CADM2: variants seen among roughly 807,000 people sequenced by gnomAD.
The protein encoded by CADM2 is immunoglobulin superfamily member 4D.
Under a neutral mutation model 49.8 loss-of-function variants are expected in CADM2, and 12 were observed. That is an observed-to-expected ratio of 0.24 (90% CI 0.15 to 0.39). CADM2 has a LOEUF of 0.39. Among genes scored for constraint, CADM2 ranks in the 10% least tolerant of loss-of-function variants. CADM2 has a pLI of 1.00. For synonymous variants in CADM2, 214 were observed against 175.4 expected, an observed-to-expected ratio of 1.22 and a Z score of -1.74; for missense variants, 378 against 492.3, an observed-to-expected ratio of 0.77 and a Z score of 2.20.
At chr3:85,355,558 C>A (rs566751052) in intron 1 of CADM2, among the ~76,000 whole-genome samples, 1 of 152,046 alleles carries the variant, frequency 6.6e-6, no homozygotes, top group Non-Finnish European at 1.5e-5. Context: ...AACAAGAATT[C>A]ATGGGTTCTT....
At chr3:85,782,257 A>C (rs918809041) in intron 2 of CADM2, among the ~76,000 whole-genome samples, 9 of 152,356 alleles carry the variant, frequency 5.9e-5, no homozygotes, top group African/African-American at 1.7e-4. Flanking sequence ...ATAAATGGAA[A>C]TTAACAAACA....
intron 1 of CADM2, among the ~76,000 whole-genome samples, chr3:85,296,266 A>G (rs990063084): frequency 2.0e-5 from 3 of 152,082 alleles, no homozygotes; most frequent in African/African-American, 4.8e-5. Context: ...CTAAGACCTC[A>G]GTAGTAATGT....
At chr3:85,427,119 G>T (rs1267824679) in intron 1 of CADM2, among the ~76,000 whole-genome samples, 1 of 142,318 alleles carries the variant, frequency 7.0e-6, no homozygotes, top group African/African-American at 2.8e-5. Flanking sequence ...TTAACACCAA[G>T]AAATATTTGA....
At chr3:85,624,125 AACC>A (rs1331564715) in intron 1 of CADM2, among the ~76,000 whole-genome samples, 1 of 152,200 alleles carries the variant, frequency 6.6e-6, no homozygotes, top group Non-Finnish European at 1.5e-5. Flanking sequence ...TAATTCATAT[AACC>A]ATATAGAGAA....
intron 1 of CADM2, among the ~76,000 whole-genome samples, chr3:84,977,190 T>C (rs55980308): frequency 0.047 from 7,093 of 152,044 alleles, 214 homozygotes; most frequent in Admixed American, 0.089. Flanking sequence ...CAATGAAGAA[T>C]TGATACAGAT....
intron 1 of CADM2, among the ~76,000 whole-genome samples, chr3:85,418,716 AAAAT>A (rs1225322157): frequency 6.6e-6 from 1 of 152,178 alleles, no homozygotes; most frequent in Non-Finnish European, 1.5e-5. Context: ...ATAGAGTAAC[AAAAT>A]AAATAAACTC....
At chr3:85,086,946 T>C (rs1473137983) in intron 1 of CADM2, among the ~76,000 whole-genome samples, 1 of 152,200 alleles carries the variant, frequency 6.6e-6, no homozygotes, top group Non-Finnish European at 1.5e-5. Flanking sequence ...TAAATGTTTG[T>C]ACAGTTTTCT....
chr3:85,761,220 G>A (rs746378695), intron 2 of CADM2, among the ~76,000 whole-genome samples: 5 of 151,816 alleles, frequency 3.3e-5, no homozygotes, highest in East Asian at 1.9e-4. Flanking sequence ...ATGGAAACCC[G>A]TTTTCTAGAC....
intron 1 of CADM2, among the ~76,000 whole-genome samples, chr3:85,159,735 C>T (rs945971323): frequency 1.3e-5 from 2 of 152,074 alleles, no homozygotes; most frequent in African/African-American, 4.8e-5. Flanking sequence ...CTCCCTGGTT[C>T]CATGACGAAT....
chr3:85,020,194 A>G (rs944014903), intron 1 of CADM2, among the ~76,000 whole-genome samples: 6 of 152,132 alleles, frequency 3.9e-5, no homozygotes, highest in African/African-American at 1.4e-4. Flanking sequence ...GTTGAATCCT[A>G]CTTATGTTGC....
At chr3:85,306,466 A>G (rs925651721) in intron 1 of CADM2, among the ~76,000 whole-genome samples, 13 of 151,724 alleles carry the variant, frequency 8.6e-5, no homozygotes, top group African/African-American at 2.9e-4. Flanking sequence ...CAAAATTTGC[A>G]TATTAAAATG....
intron 9 of CADM2, among the ~76,000 whole-genome samples, chr3:86,066,243 G>C (rs994711135): frequency 8.9e-5 from 13 of 146,248 alleles, no homozygotes; most frequent in African/African-American, 3.3e-4. Flanking sequence ...TGAGGCAGGA[G>C]AATTGCTTGA....
intron 7 of CADM2, among the ~76,000 whole-genome samples, chr3:85,948,470 A>G (rs1723007476): frequency 1.3e-5 from 2 of 151,466 alleles, no homozygotes. Flanking sequence ...AAATATACAA[A>G]GGAAATAAAA....
intron 3 of CADM2, among the ~76,000 whole-genome samples, chr3:85,832,133 T>A (rs907477575): frequency 2.6e-5 from 4 of 151,986 alleles, no homozygotes; most frequent in Admixed American, 2.0e-4. Context: ...AAACATCAGA[T>A]GATTGAAGGT....
chr3:85,258,452 T>G (rs1007739946), intron 1 of CADM2, among the ~76,000 whole-genome samples: 10 of 151,546 alleles, frequency 6.6e-5, no homozygotes, highest in African/African-American at 2.4e-4. Context: ...CCTTTTCCAG[T>G]GTGCTCTTCT....
chr3:85,191,884 T>A (rs184565489), intron 1 of CADM2, among the ~76,000 whole-genome samples: 1 of 151,872 alleles, frequency 6.6e-6, no homozygotes, highest in Non-Finnish European at 1.5e-5. Context: ...CTTCCACATG[T>A]AGGGTCAGCA....
intron 2 of CADM2, among the ~76,000 whole-genome samples, chr3:85,765,950 A>G (rs1000262660): frequency 3.9e-5 from 6 of 152,118 alleles, no homozygotes; most frequent in African/African-American, 1.2e-4. Flanking sequence ...TGAATGTTGA[A>G]TAAATGCCCC....
intron 1 of CADM2, among the ~76,000 whole-genome samples, chr3:84,988,476 C>T (rs2032709717): frequency 6.6e-6 from 1 of 152,174 alleles, no homozygotes; most frequent in Non-Finnish European, 1.5e-5. Flanking sequence ...TGAAACCTAG[C>T]AGATAGCAAA....
intron 2 of CADM2, among the ~76,000 whole-genome samples, chr3:85,793,711 G>T (rs761538197): frequency 9.2e-5 from 14 of 152,152 alleles, no homozygotes; most frequent in Non-Finnish European, 1.9e-4. Flanking sequence ...GATTTCAAAT[G>T]TTCATTCTCT....
Sources: allele counts gnomAD v4.1 joint callset (sites outside exome capture counted in the v4.1 genomes callset), GRCh38; gene constraint gnomAD v4.1.1; transcripts MANE v1.5; gene names NCBI Gene and HGNC (gene_info 2026-07-23, HGNC 2026-07-21).